Variants in MGAT4C observed in about 807,000 individuals in gnomAD.
MGAT4C encodes the protein MGAT4 family member C, also known as alpha-1,3-mannosyl-glycoprotein 4-beta-N-acetylglucosaminyltransferase C.
Under a neutral mutation model 40.1 loss-of-function variants are expected in MGAT4C, and 19 were observed. The ratio of observed to expected loss-of-function variants is 0.47; its 90% confidence interval spans 0.33 to 0.70. The LOEUF is 0.70. MGAT4C is among the 30% of genes least tolerant of loss of function. The pLI is 0.02. For missense variants in MGAT4C, 491 were observed against 563.2 expected (o/e 0.87, Z 1.30); for synonymous variants, 181 against 187.1 (o/e 0.97, Z 0.27).
intron 1 of MGAT4C, among the ~76,000 whole-genome samples, chr12:86,812,724 C>G (rs1361240364): frequency 6.6e-6 from 1 of 152,014 alleles, no homozygotes; most frequent in African/African-American, 2.4e-5. Context: ...TATGTCTTCA[C>G]TTTTCTTAGG....
At chr12:86,075,923 A>G (rs1869610131) in intron 1 of MGAT4C, among the ~76,000 whole-genome samples, 1 of 152,106 alleles carries the variant, frequency 6.6e-6, no homozygotes, top group Non-Finnish European at 1.5e-5. Flanking sequence ...CATTTTCCCC[A>G]TGGTCTTGGT....
At chr12:86,288,364 G>T (rs1953409907) in intron 4 of MGAT4C, among the ~76,000 whole-genome samples, 1 of 151,934 alleles carries the variant, frequency 6.6e-6, no homozygotes, top group African/African-American at 2.4e-5. Context: ...GATCCCATTT[G>T]TCAATTTTGG....
intron 1 of MGAT4C, among the ~76,000 whole-genome samples, chr12:86,823,177 T>C (rs1412513721): frequency 7.5e-6 from 1 of 133,524 alleles, no homozygotes; most frequent in Non-Finnish European, 1.7e-5. Flanking sequence ...AAAAAGGAAA[T>C]AGATCAACTA....
chr12:86,174,124 TACACAC>T lies in MGAT4C; in HGVS notation c.-57+82109_-57+82114del, dbSNP rs71445051. Among the ~76,000 whole-genome samples, 731 of 143,908 alleles carry T rather than the reference TACACAC, an allele frequency of 5.1e-3. 7 individuals are homozygous for T. Among genetic ancestry groups the T allele is most frequent in the African/African-American group, 0.016 (636 of 39,750 alleles). 94.4% of individuals were successfully genotyped at this position (143,908 alleles called of 152,430 possible). The stretch of plus-strand genomic sequence containing the variant: ...TTACCAAAAAAGACACACACACACA[TACACAC>T]ACACACACACACACACACACACACA... On this transcript the variant is annotated intron_variant, in intron 1 of 4. Coordinates refer to ENST00000611864, the MANE Select transcript of MGAT4C (RefSeq NM_001351288.2).
At chr12:86,649,516 C>T (rs957073669) in intron 2 of MGAT4C, among the ~76,000 whole-genome samples, 20 of 151,680 alleles carry the variant, frequency 1.3e-4, no homozygotes, top group Admixed American at 4.6e-4. Flanking sequence ...CACAGATATA[C>T]GTTCTTTATG....
intron 1 of MGAT4C, among the ~76,000 whole-genome samples, chr12:86,798,835 A>C (rs2136200833): frequency 6.6e-6 from 1 of 152,054 alleles, no homozygotes. Context: ...GAATAAAATA[A>C]AATATATTGT....
chr12:86,329,416 C>G (rs145935149), intron 4 of MGAT4C, among the ~76,000 whole-genome samples: 31 of 152,222 alleles, frequency 2.0e-4, no homozygotes, highest in African/African-American at 7.5e-4. Flanking sequence ...TTGTCCTGAT[C>G]TACTTTAATA....
intron 1 of MGAT4C, among the ~76,000 whole-genome samples, chr12:86,240,446 G>T (rs944778925): frequency 3.7e-4 from 56 of 151,292 alleles, no homozygotes; most frequent in African/African-American, 1.3e-3. Flanking sequence ...TACATTTGTG[G>T]GTTTTTAACA....
At chr12:86,823,992 TAAAC>T (rs769604140) in intron 1 of MGAT4C, among the ~76,000 whole-genome samples, 1 of 151,524 alleles carries the variant, frequency 6.6e-6, no homozygotes, top group South Asian at 2.1e-4. Context: ...GTTCCAGAAA[TAAAC>T]AAGGTGTAAG....
At chr12:86,299,301 T>C (rs539571306) in intron 4 of MGAT4C, among the ~76,000 whole-genome samples, 10 of 152,106 alleles carry the variant, frequency 6.6e-5, no homozygotes, top group Non-Finnish European at 1.5e-4. Context: ...GTATTTTTAG[T>C]AGAGACGGGG....
intron 2 of MGAT4C, among the ~76,000 whole-genome samples, chr12:86,493,467 A>G (rs1488218275): frequency 6.6e-6 from 1 of 152,208 alleles, no homozygotes; most frequent in Non-Finnish European, 1.5e-5. Flanking sequence ...CCATGCAGCC[A>G]TAAAAAATGA....
intron 1 of MGAT4C, among the ~76,000 whole-genome samples, chr12:86,216,401 C>A (rs970577508): frequency 6.6e-6 from 1 of 152,172 alleles, no homozygotes; most frequent in Admixed American, 6.5e-5. Context: ...AGTTTCTTGA[C>A]AAATATTATT....
chr12:86,155,974 A>G (rs1377801360), intron 1 of MGAT4C, among the ~76,000 whole-genome samples: 2 of 152,190 alleles, frequency 1.3e-5, no homozygotes, highest in Non-Finnish European at 2.9e-5. Flanking sequence ...AGTGAAATAA[A>G]AAAAGTTACA....
At chr12:86,080,841 T>C (rs999388881) in intron 1 of MGAT4C, among the ~76,000 whole-genome samples, 2 of 152,202 alleles carry the variant, frequency 1.3e-5, no homozygotes, top group Non-Finnish European at 2.9e-5. Flanking sequence ...AACACAATTA[T>C]GGTTTTCCAT....
rs746800765 is a variant in MGAT4C at position 85,980,059 on chromosome 12, G to A, written c.667C>T (p.Leu223Phe). The A allele has an allele frequency of 2.5e-6, 4 of 1,613,558 alleles. No individual in the cohort carries two copies. In the East Asian group the frequency reaches 8.9e-5, roughly 36 times the overall value. Residue 223 changes from leucine to phenylalanine, a missense_variant, in exon 5 of 5, where the codon CTT becomes TTT. By Grantham distance (22) the Leu-to-Phe change is conservative. Transcript: ENST00000611864. ...TTTGAACATCGAACATCATCTTCAA[G>A]CATTACATAATAGTCTGAAGTATTG... Reference protein sequence around the residue: ...CANTSDYYVMLEDDVRCSKNF... With the variant: ...CANTSDYYVMFEDDVRCSKNF...
chr12:86,472,417 A>G (rs904467887), intron 2 of MGAT4C, among the ~76,000 whole-genome samples: 7 of 152,154 alleles, frequency 4.6e-5, no homozygotes, highest in African/African-American at 1.7e-4. Context: ...CCTTACCTTC[A>G]CAGTTATTTC....
intron 3 of MGAT4C, among the ~76,000 whole-genome samples, chr12:86,355,592 G>GACAGGA (rs1592733623): frequency 6.6e-6 from 1 of 151,880 alleles, no homozygotes; most frequent in East Asian, 1.9e-4. Context: ...AAGACTAAAA[G>GACAGGA]ACAGGACAAC....
At chr12:86,560,354 A>G (rs950165160) in intron 2 of MGAT4C, among the ~76,000 whole-genome samples, 1 of 152,048 alleles carries the variant, frequency 6.6e-6, no homozygotes, top group Admixed American at 6.6e-5. Flanking sequence ...TTACAAGCCA[A>G]TGACCCTCAT....
chr12:85,985,182 T>C (rs986276701), intron 3 of MGAT4C, among the ~76,000 whole-genome samples: 3 of 152,216 alleles, frequency 2.0e-5, no homozygotes, highest in Non-Finnish European at 4.4e-5. Flanking sequence ...GGTCCTGCTA[T>C]TATTTTGCTG....
Sources: gnomAD v4.1 joint callset for allele counts (sites outside exome capture counted in the v4.1 genomes callset) on GRCh38, gnomAD v4.1.1 for gene constraint, MANE v1.5 for transcripts, NCBI Gene and HGNC (gene_info 2026-07-23, HGNC 2026-07-21) for gene names.